Variants in SRPK2 observed in about 807,000 individuals in gnomAD.
SRPK2 encodes SRSF protein kinase 2.
A neutral mutation model predicts 90.8 loss-of-function variants in SRPK2; 21 were observed. That is an observed-to-expected ratio of 0.23 (90% CI 0.16 to 0.33). The LOEUF (loss-of-function observed/expected upper bound fraction) is 0.33. Ranked by LOEUF, SRPK2 falls within the 10% of genes least tolerant of loss-of-function variation. The pLI, the probability that SRPK2 is intolerant of heterozygous loss-of-function variation, is 1.00. For missense variants in SRPK2, 620 were observed against 869.0 expected (o/e 0.71, Z 3.60); for synonymous variants, 288 against 311.1 (o/e 0.93, Z 0.78).
intron 2 of SRPK2, chr7:105,297,397 A>C (rs1482762916): frequency 7.7e-6 from 7 of 912,590 alleles, no homozygotes; most frequent in Non-Finnish European, 9.2e-6. Flanking sequence ...TCACGTTTTC[A>C]CTATAAATTG....
At chr7:105,270,647 G>A (rs946118978) in intron 2 of SRPK2, among the ~76,000 whole-genome samples, 1 of 151,820 alleles carries the variant, frequency 6.6e-6, no homozygotes, top group Non-Finnish European at 1.5e-5. Flanking sequence ...GACCTCAGAT[G>A]ATGCGCCCAC....
At chr7:105,180,348 G>C (rs145744197) in intron 3 of SRPK2, among the ~76,000 whole-genome samples, 88 of 152,268 alleles carry the variant, frequency 5.8e-4, no homozygotes, top group African/African-American at 1.9e-3. Flanking sequence ...GTCCATAAGT[G>C]GTGCTAGAAT....
At chr7:105,126,161 G>A (rs944102213) in intron 15 of SRPK2, 87 bp downstream of exon 15, 3 of 1,121,646 alleles carry the variant, frequency 2.7e-6, no homozygotes, top group Non-Finnish European at 4.0e-6. Context: ...TAGGAGAAAT[G>A]CCTTTGTCAC....
chr7:105,139,748 G>A (rs961199741), intron 11 of SRPK2, among the ~76,000 whole-genome samples: 1 of 152,072 alleles, frequency 6.6e-6, no homozygotes, highest in African/African-American at 2.4e-5. Context: ...CTTTGCCATT[G>A]ACCTGTTTTA....
intron 2 of SRPK2, among the ~76,000 whole-genome samples, chr7:105,263,749 C>A (rs1194822343): frequency 1.3e-5 from 2 of 151,908 alleles, no homozygotes; most frequent in Non-Finnish European, 2.9e-5. Flanking sequence ...CACACACACA[C>A]AAAACAAACA....
chr7:105,337,459 C>T (rs888301024), intron 2 of SRPK2, among the ~76,000 whole-genome samples: 13 of 151,890 alleles, frequency 8.6e-5, no homozygotes, highest in African/African-American at 2.4e-4. Flanking sequence ...GCATTACAGG[C>T]GCCTGCCACC....
chr7:105,277,191 C>G (rs1325539917), intron 2 of SRPK2, among the ~76,000 whole-genome samples: 2 of 152,142 alleles, frequency 1.3e-5, no homozygotes, highest in Non-Finnish European at 2.9e-5. Flanking sequence ...AGTCTCCTGT[C>G]TCAGCCTCCC....
chr7:105,371,131 T>C (rs774254525), intron 2 of SRPK2, among the ~76,000 whole-genome samples: 1 of 152,124 alleles, frequency 6.6e-6, no homozygotes, highest in African/African-American at 2.4e-5. Flanking sequence ...CGATCAGGCA[T>C]GGTGGCTCAC....
intron 2 of SRPK2, among the ~76,000 whole-genome samples, chr7:105,322,528 G>A (rs1040339983): frequency 6.6e-6 from 1 of 152,110 alleles, no homozygotes; most frequent in African/African-American, 2.4e-5. Flanking sequence ...ATCTAGAATA[G>A]GTAAATCAAC....
At chr7:105,296,713 A>C (rs1809863191) in intron 2 of SRPK2, among the ~76,000 whole-genome samples, 1 of 152,222 alleles carries the variant, frequency 6.6e-6, no homozygotes, top group Admixed American at 6.5e-5. Context: ...CTATGAGGCT[A>C]TTAACTGACA....
chr7:105,146,610 T>C lies in SRPK2; in HGVS notation c.670A>G (p.Thr224Ala). ...AAGATATTTTCCGGCTTTATGTCAG[T>C]ATGAATGATCTTGCACTTACTGTGT... ...YLHSKCKIIH[T>A]DIKPENILMC... The change falls in exon 8 of 16, where the codon ACT becomes GCT. Residue 224 changes from threonine (T) to alanine (A), a missense_variant. By Grantham distance (58) the Thr-to-Ala change is moderately conservative. Transcript: ENST00000393651. 1 of 1,614,230 alleles carries C rather than the reference T, an allele frequency of 6.2e-7. No homozygotes were observed. The highest frequency in any genetic ancestry group is 8.5e-7 in the Non-Finnish European group (1 of 1,180,038).
chr7:105,143,186 C>G lies in SRPK2; in HGVS notation c.958G>C (p.Ala320Pro). The change falls in exon 10 of 16, where the codon GCT (alanine) becomes CCT (proline). Residue 320 changes from alanine to proline, a missense_variant. Ala to Pro is a conservative substitution (Grantham distance 27). Around this residue, in one of 8 missense-constraint regions of SRPK2, gnomAD observed 243 missense variants for 245.7 expected, o/e 0.99. Transcript: ENST00000393651. ...RKIIEENITS[A>P]APSNDQDGEY... ...CCATCCTGGTCATTGGAAGGTGCAG[C>G]TGAGGTGATGTTTTCTTCTATTATT... 1 of 1,614,212 alleles carries G rather than the reference C, an allele frequency of 6.2e-7. No individual in the cohort carries two copies. The highest frequency in any genetic ancestry group is 8.5e-7 in the Non-Finnish European group (1 of 1,180,030).
At position 105,245,029 on chromosome 7, in the gene SRPK2, AAACAAAC is replaced by A. The variant is rs1264117623; in HGVS notation, c.72-41251_72-41245del. 9 of 639,862 alleles carry A rather than the reference AAACAAAC, an allele frequency of 1.4e-5. No individual in the cohort carries two copies. In the African/African-American group the frequency reaches 1.8e-4, roughly 13 times the overall value. The allele number at this position is 639,862 out of a possible 1,614,324, so 39.6% of individuals were successfully genotyped here. A position where few individuals can be genotyped will look rare whatever the true frequency, so the allele number is the denominator to read the frequency against. On this transcript the variant is annotated intron_variant, in intron 2 of 15. Transcript: ENST00000393651. ...ACAGCTTGAGAGGAAAAACAAAACA[AAACAAAC>A]ACACACACACACACACACACACACA...
intron 3 of SRPK2, among the ~76,000 whole-genome samples, chr7:105,191,447 T>C (rs1794267887): frequency 6.6e-6 from 1 of 152,146 alleles, no homozygotes; most frequent in Non-Finnish European, 1.5e-5. Flanking sequence ...GATGCAGACC[T>C]GTAGTCCCAG....
At chr7:105,158,043 T>C (rs1051463852) in intron 7 of SRPK2, among the ~76,000 whole-genome samples, 3 of 152,116 alleles carry the variant, frequency 2.0e-5, no homozygotes, top group African/African-American at 7.2e-5. Context: ...CCAGCCTGGG[T>C]AACAGAGGAA....
intron 2 of SRPK2, among the ~76,000 whole-genome samples, chr7:105,326,787 C>T (rs904466948): frequency 1.3e-5 from 2 of 152,164 alleles, no homozygotes; most frequent in African/African-American, 4.8e-5. Context: ...GGTGGCCGGG[C>T]GCGGTGGCTC....
At chr7:105,389,214 C>CCTCCCCGCCGCGGCCT (rs1449325666), upstream of SRPK2, 4 of 1,191,952 alleles carry the variant, frequency 3.4e-6, no homozygotes, top group Non-Finnish European at 4.2e-6. Context: ...CGGGACCCTC[C>CCTCCCCGCCGCGGCCT]CTCCCCGCCG....
intron 2 of SRPK2, among the ~76,000 whole-genome samples, chr7:105,253,924 A>C (rs1802849650): frequency 6.6e-6 from 1 of 151,874 alleles, no homozygotes; most frequent in Non-Finnish European, 1.5e-5. Context: ...AAAAAAAACA[A>C]GCCAGCCATC....
chr7:105,385,292 C>T (rs899125550), intron 2 of SRPK2, among the ~76,000 whole-genome samples: 2 of 140,166 alleles, frequency 1.4e-5, no homozygotes, highest in East Asian at 2.1e-4. Context: ...GCCATTCTCT[C>T]GCCTCAGCCT....
Sources: allele counts gnomAD v4.1 joint callset (sites outside exome capture counted in the v4.1 genomes callset), GRCh38; gene constraint gnomAD v4.1.1; regional missense constraint gnomAD v4.1.1; transcripts MANE v1.5; gene names NCBI Gene and HGNC (gene_info 2026-07-23, HGNC 2026-07-21).